Variants in GIN1 observed in about 807,000 individuals in gnomAD.
GIN1 encodes gypsy retrotransposon integrase 1.
A neutral mutation model predicts 51.4 loss-of-function variants in GIN1; 41 were observed. That is an observed-to-expected ratio of 0.80 (90% CI 0.62 to 1.04). GIN1 has a LOEUF of 1.04. Ranked by LOEUF, GIN1 falls within the 50% of genes least tolerant of loss-of-function variation. The pLI is 0.00. For synonymous variants in GIN1, 222 were observed against 206.5 expected (o/e 1.07, Z -0.64); for missense variants, 610 against 612.4 (o/e 1.00, Z 0.04).
chr5:103,096,489 C>A, intron 7 of GIN1, 52 bp downstream of exon 7: 1 of 1,263,464 alleles, frequency 7.9e-7, no homozygotes. Flanking sequence ...TTATTTTTAA[C>A]TATTCTCCTT....
rs781897450 is a variant in GIN1 at position 103,097,792 on chromosome 5, T to C, written c.640-11A>G. The C allele has an allele frequency of 4.0e-6, 5 of 1,244,434 alleles. No individual in the cohort carries two copies. The highest frequency in any genetic ancestry group is 5.7e-6 in the Non-Finnish European group (5 of 875,214). 77.1% of individuals were successfully genotyped at this position (1,244,434 alleles called of 1,614,324 possible). ...CAGTTCAATATTGATCTGAAAAATA[T>C]ATAAAACAAAGGTGGCTTTTTAAAA... is the stretch of plus-strand genomic sequence containing the variant. On this transcript the variant is annotated splice_polypyrimidine_tract_variant and intron_variant, in intron 4 of 7. Transcript: ENST00000399004.
chr5:103,112,136 TG>T (rs1206573978), intron 1 of GIN1, among the ~76,000 whole-genome samples: 1 of 152,164 alleles, frequency 6.6e-6, no homozygotes, highest in Admixed American at 6.5e-5. Context: ...GTTTTTGGTT[TG>T]TTTTTTTCTC....
At position 103,104,587 on chromosome 5, in the gene GIN1, G is replaced by T; in HGVS notation, c.593C>A (p.Pro198His). 1 of 1,561,406 alleles carries T rather than the reference G, an allele frequency of 6.4e-7. No individual in the cohort carries two copies. Among genetic ancestry groups the T allele is most frequent in the Non-Finnish European group, 8.8e-7 (1 of 1,133,208 alleles). Residue 198 changes from proline (P) to histidine (H), a missense_variant, in exon 4 of 8, where the codon CCT (proline) becomes CAT (histidine). Transcript: ENST00000399004. The part of the protein sequence containing the change: ...AIINIFFLYG[P>H]PQKIIMDQRD... ...TTGGTCCATTATTATTTTCTGAGGA[G>T]GTCCATATAAGAAAAATATATTGAT...
At chr5:103,110,633 T>C (rs1343481978) in intron 1 of GIN1, among the ~76,000 whole-genome samples, 2 of 152,088 alleles carry the variant, frequency 1.3e-5, no homozygotes, top group Non-Finnish European at 2.9e-5. Context: ...CTCTCATACA[T>C]TGTGGGAGGA....
In GIN1 at chr5:103,086,305, T is replaced by A. The variant is rs1363080746; in HGVS notation, c.*1593A>T. 3.3e-5 allele frequency: 5 copies of A among 152,320 alleles called. No homozygotes were observed. In the East Asian group the frequency reaches 9.6e-4, roughly 29 times the overall value. The allele number at this position is 152,320 out of a possible 1,614,324, so 9.4% of individuals were successfully genotyped here. On this transcript the variant is annotated 3_prime_UTR_variant, in exon 8 of 8. Coordinates refer to ENST00000399004, the MANE Select transcript of GIN1 (RefSeq NM_017676.2). ...AAATATGATCTCAACTAATTACACT[T>A]GCAACAACCTCATTTCCAAATAAGG...
intron 1 of GIN1, among the ~76,000 whole-genome samples, chr5:103,112,145 C>G (rs989918110): frequency 6.6e-6 from 1 of 151,958 alleles, no homozygotes; most frequent in Admixed American, 6.6e-5. Context: ...TTGTTTTTTT[C>G]TCATCAAAGT....
chr5:103,101,126 C>T (rs1787562623), intron 4 of GIN1, among the ~76,000 whole-genome samples: 1 of 152,126 alleles, frequency 6.6e-6, no homozygotes, highest in South Asian at 2.1e-4. Context: ...TAACAATATG[C>T]CAACATCACT....
chr5:103,114,137 T>C (rs968151857), intron 1 of GIN1, among the ~76,000 whole-genome samples: 1 of 152,222 alleles, frequency 6.6e-6, no homozygotes, highest in Non-Finnish European at 1.5e-5. Flanking sequence ...TGGCTAGGTG[T>C]AATTTCCTGC....
Position 103,088,332 on chromosome 5 carries a change from A to C in GIN1, c.1295-160T>G, listed in dbSNP as rs146925710. On this transcript the variant is annotated intron_variant, in intron 7 of 7. Transcript: ENST00000399004. ...ACTGTCTACTAAATATGAATGTCAA[A>C]GAATAAAAAAATGACATATAAATTT... Among the ~76,000 whole-genome samples the C allele has an allele frequency of 7.4e-3, 1,120 of 152,358 alleles. 12 individuals carry two copies. The highest frequency in any genetic ancestry group is 0.024 in the African/African-American group (989 of 41,594).
chr5:103,106,349 T>C (rs1583127061), intron 3 of GIN1, among the ~76,000 whole-genome samples: 2 of 152,292 alleles, frequency 1.3e-5, no homozygotes, highest in African/African-American at 2.4e-5. Context: ...CTTGACTTAC[T>C]ATGAACATAT....
At chr5:103,095,898 T>C (rs1318884710) in intron 7 of GIN1, among the ~76,000 whole-genome samples, 2 of 152,116 alleles carry the variant, frequency 1.3e-5, no homozygotes, top group Admixed American at 1.3e-4. Flanking sequence ...CACTCCAGCC[T>C]GGGGGACAGA....
chr5:103,104,719 C>A lies in GIN1; in HGVS notation c.461G>T (p.Ser154Ile), dbSNP rs1554196099. ...TATAGCATATACATGACTTCTGTTG[C>A]TTGTATGAAAAGGCCCCATCAGATC... The part of the protein sequence containing the change: ...TVDLMGPFHT[S>I]NRSHVYAIIM... The change falls in exon 4 of 8, where the codon AGC becomes ATC. Residue 154 changes from serine (S) to isoleucine (I), a missense_variant. Coordinates refer to ENST00000399004, the MANE Select transcript of GIN1 (RefSeq NM_017676.2). 1 of 1,612,610 alleles carries A rather than the reference C, an allele frequency of 6.2e-7. No individual in the cohort carries two copies. Among genetic ancestry groups the A allele is most frequent in the South Asian group, 1.1e-5 (1 of 91,050 alleles).
chr5:103,101,345 C>T (rs544052164), intron 4 of GIN1, among the ~76,000 whole-genome samples: 11 of 152,160 alleles, frequency 7.2e-5, no homozygotes, highest in African/African-American at 2.4e-5. Context: ...TATCACTATA[C>T]GCAGAATGGT....
chr5:103,096,110 G>T (rs781908768), intron 7 of GIN1, among the ~76,000 whole-genome samples: 13 of 152,080 alleles, frequency 8.5e-5, no homozygotes, highest in South Asian at 2.1e-4. Flanking sequence ...GGGAAGTCAA[G>T]GCGGGCAGGT....
intron 4 of GIN1, among the ~76,000 whole-genome samples, chr5:103,099,332 G>A (rs1345185679): frequency 6.6e-6 from 1 of 151,822 alleles, no homozygotes; most frequent in Non-Finnish European, 1.5e-5. Context: ...GAATACAATA[G>A]GAGTGACTCT....
intron 7 of GIN1, among the ~76,000 whole-genome samples, chr5:103,089,037 T>C (rs1787161858): frequency 6.6e-6 from 1 of 152,164 alleles, no homozygotes. Context: ...TGATAATGTG[T>C]AAGAAGGCAG....
rs781844392 is a variant in GIN1 at position 103,108,594 on chromosome 5, T to C, written c.114A>G (p.Arg38=). 5 of 1,605,018 alleles carry C rather than the reference T, an allele frequency of 3.1e-6. No homozygotes were observed. Among genetic ancestry groups the C allele is most frequent in the Admixed American group, 1.7e-5 (1 of 59,230 alleles). ...TLPSERSGIR[R]AAKKFVFKEK... is the part of the protein sequence containing the mutation. Reference sequence around the variant, plus strand: ...CTTTGAAGACAAATTTTTTTGCTGCTCTTCTTATGCCACTTCTCTCACTTG... The same window carrying C: ...CTTTGAAGACAAATTTTTTTGCTGCCCTTCTTATGCCACTTCTCTCACTTG... The change falls in exon 2 of 8, where the codon AGA becomes AGG. Residue 38 remains arginine (R), a synonymous_variant. Transcript: ENST00000399004.
chr5:103,117,197 T>C (rs929681116), intron 1 of GIN1, among the ~76,000 whole-genome samples: 10 of 151,994 alleles, frequency 6.6e-5, no homozygotes, highest in Non-Finnish European at 1.3e-4. Flanking sequence ...TGGAATACTA[T>C]TAAGGATTGA....
At chr5:103,118,337 T>C (rs1788109450) in intron 1 of GIN1, among the ~76,000 whole-genome samples, 1 of 146,976 alleles carries the variant, frequency 6.8e-6, no homozygotes, top group Non-Finnish European at 1.5e-5. Context: ...AAGTCCTTTG[T>C]ATATGGTAAT....
Sources: gnomAD v4.1 joint callset for allele counts (sites outside exome capture counted in the v4.1 genomes callset) on GRCh38, gnomAD v4.1.1 for gene constraint, MANE v1.5 for transcripts, NCBI Gene and HGNC (gene_info 2026-07-23, HGNC 2026-07-21) for gene names.